Variants in PARD3 observed in about 807,000 individuals in gnomAD.
PARD3 encodes par-3 family cell polarity regulator.
A neutral mutation model predicts 155.4 loss-of-function variants in PARD3; 75 were observed. The observed-to-expected ratio is 0.48, with a 90% CI of 0.40 to 0.58. The LOEUF (loss-of-function observed/expected upper bound fraction) is 0.58, where lower values mean the gene tolerates loss of function less well. PARD3 is among the 20% of genes least tolerant of loss of function. The pLI is 0.00. For synonymous variants in PARD3, 576 were observed against 610.5 expected (o/e 0.94, Z 0.83); for missense variants, 1,642 against 1,721.7 (o/e 0.95, Z 0.82).
At chr10:34,783,218 A>C (rs546508199) in intron 1 of PARD3, among the ~76,000 whole-genome samples, 135 of 152,254 alleles carry the variant, frequency 8.9e-4, no homozygotes, top group African/African-American at 3.1e-3. Context: ...ACACTCTCTA[A>C]AATACATTTA....
intron 7 of PARD3, among the ~76,000 whole-genome samples, chr10:34,390,037 C>T (rs73259226): frequency 5.9e-5 from 9 of 152,150 alleles, no homozygotes; most frequent in South Asian, 2.1e-4. Flanking sequence ...AATGAGTCTG[C>T]GGCTGAGAAT....
At chr10:34,556,716 G>T (rs954317226) in intron 2 of PARD3, among the ~76,000 whole-genome samples, 1 of 152,136 alleles carries the variant, frequency 6.6e-6, no homozygotes, top group African/African-American at 2.4e-5. Flanking sequence ...GATGAGCGTA[G>T]TGTTTATTAT....
intron 22 of PARD3, among the ~76,000 whole-genome samples, chr10:34,264,004 T>C (rs1011854523): frequency 2.0e-5 from 3 of 152,216 alleles, no homozygotes; most frequent in African/African-American, 4.8e-5. Flanking sequence ...AATGATTCCC[T>C]TTGGGCTCTT....
intron 14 of PARD3, among the ~76,000 whole-genome samples, chr10:34,350,610 C>G (rs992655876): frequency 6.8e-5 from 8 of 117,318 alleles, no homozygotes; most frequent in Non-Finnish European, 8.0e-5. Flanking sequence ...TCCAGCCTGG[C>G]TAACAGAGAG....
chr10:34,237,428 G>A (rs573685110), intron 22 of PARD3, among the ~76,000 whole-genome samples: 1 of 152,210 alleles, frequency 6.6e-6, no homozygotes, highest in East Asian at 1.9e-4. Context: ...TTTAGTTAAG[G>A]GTTAGGTGTA....
chr10:34,785,307 A>G (rs1840816876), intron 1 of PARD3, among the ~76,000 whole-genome samples: 1 of 152,254 alleles, frequency 6.6e-6, no homozygotes, highest in Non-Finnish European at 1.5e-5. Context: ...CTGCACATGT[A>G]TCACACATTT....
chr10:34,235,928 C>G (rs1394025366), intron 22 of PARD3, among the ~76,000 whole-genome samples: 2 of 152,120 alleles, frequency 1.3e-5, no homozygotes, highest in African/African-American at 4.8e-5. Context: ...TAAGTATATT[C>G]AAACACTTTT....
intron 22 of PARD3, among the ~76,000 whole-genome samples, chr10:34,234,445 C>A (rs1386829117): frequency 6.6e-6 from 1 of 152,212 alleles, no homozygotes; most frequent in Non-Finnish European, 1.5e-5. Flanking sequence ...TACCACTCAA[C>A]ACACTGTAGC....
intron 4 of PARD3, among the ~76,000 whole-genome samples, chr10:34,460,687 G>T (rs564548532): frequency 6.6e-6 from 1 of 152,152 alleles, no homozygotes; most frequent in South Asian, 2.1e-4. Flanking sequence ...CAAAAAATTA[G>T]CCGGGTGTGG....
At chr10:34,742,117 T>C (rs952404300) in intron 1 of PARD3, among the ~76,000 whole-genome samples, 1 of 152,126 alleles carries the variant, frequency 6.6e-6, no homozygotes, top group African/African-American at 2.4e-5. Flanking sequence ...ATTCACGTGA[T>C]AGCTACATGC....
At chr10:34,364,364 A>G (rs1266900131) in intron 12 of PARD3, among the ~76,000 whole-genome samples, 5 of 152,184 alleles carry the variant, frequency 3.3e-5, no homozygotes, top group African/African-American at 4.8e-5. Context: ...TGACTCAGCA[A>G]AAGTTTCATC....
chr10:34,265,639 C>T (rs902952212), intron 22 of PARD3, among the ~76,000 whole-genome samples: 3 of 152,176 alleles, frequency 2.0e-5, no homozygotes, highest in Admixed American at 6.5e-5. Flanking sequence ...ATAATCTCTG[C>T]GGAGTTCCAA....
At chr10:34,605,567 T>TCTC (rs1210314235) in intron 2 of PARD3, among the ~76,000 whole-genome samples, 41 of 73,422 alleles carry the variant, frequency 5.6e-4, no homozygotes, top group Non-Finnish European at 6.6e-4. Flanking sequence ...CTCCTATATA[T>TCTC]ATATATATCT....
intron 2 of PARD3, among the ~76,000 whole-genome samples, chr10:34,582,346 C>A (rs73267355): frequency 0.055 from 8,389 of 152,222 alleles, 682 homozygotes; most frequent in African/African-American, 0.18. Flanking sequence ...GCTATTCTAG[C>A]ACCACACTGC....
rs61841148 is a variant in PARD3 at position 34,657,085 on chromosome 10, C to G, written c.222+39233G>C. On this transcript the variant is annotated intron_variant, in intron 2 of 24. Transcript: ENST00000374788. ...TTATCAAATAAGGCCCAGGTCTGTT[C>G]TAGCCTTGGCAATTGCATAAATAAG... 6.6e-3 allele frequency among the ~76,000 whole-genome samples: 1,003 copies of G among 152,248 alleles called. 8 individuals are homozygous for G. The highest frequency in any genetic ancestry group is 7.1e-3 in the Non-Finnish European group (482 of 68,018).
chr10:34,771,993 C>T (rs1366515632), intron 1 of PARD3, among the ~76,000 whole-genome samples: 1 of 152,142 alleles, frequency 6.6e-6, no homozygotes, highest in African/African-American at 2.4e-5. Context: ...AAGGTAAATA[C>T]CAAGGAAGTT....
chr10:34,794,488 G>C (rs1354972923), intron 1 of PARD3, among the ~76,000 whole-genome samples: 2 of 152,176 alleles, frequency 1.3e-5, no homozygotes, highest in African/African-American at 4.8e-5. Flanking sequence ...TCAGTAAACA[G>C]ATCACTACAA....
In PARD3 at chr10:34,131,563, T is replaced by C. The variant is rs765534801; in HGVS notation, c.3440A>G (p.Asn1147Ser). 7 of 1,613,582 alleles carry C rather than the reference T, an allele frequency of 4.3e-6. No homozygotes were observed. Among genetic ancestry groups the C allele is most frequent in the Middle Eastern group, 1.6e-4 (1 of 6,082 alleles). ...PVDSNRSTPS[N>S]HDRIQRLRQE... ...CCTCAGACGCTGTATCCGATCATGATTGCTAGGAGTTGATCTGTTACTGAA... is the reference window on the plus strand; with the variant it reads ...CCTCAGACGCTGTATCCGATCATGACTGCTAGGAGTTGATCTGTTACTGAA... The change falls in exon 23 of 25, where the codon AAT (asparagine) becomes AGT (serine). Residue 1147 changes from asparagine (N) to serine (S), a missense_variant. Physicochemically the swap from Asn to Ser is conservative, Grantham distance 46. This residue lies in a region of PARD3 where 1,529 missense variants were observed against 1,587.3 expected (regional missense o/e 0.96). Coordinates refer to ENST00000374788, the MANE Select transcript of PARD3 (RefSeq NM_001184785.2).
intron 5 of PARD3, among the ~76,000 whole-genome samples, chr10:34,424,885 CA>C (rs2075513726): frequency 6.6e-6 from 1 of 152,026 alleles, no homozygotes; most frequent in African/African-American, 2.4e-5. Context: ...GGCAACTGGG[CA>C]AAAATCTCCT....
Sources: allele counts gnomAD v4.1 joint callset (sites outside exome capture counted in the v4.1 genomes callset), GRCh38; gene constraint gnomAD v4.1.1; regional missense constraint gnomAD v4.1.1; transcripts MANE v1.5; gene names NCBI Gene and HGNC (gene_info 2026-07-23, HGNC 2026-07-21).